SMARCA4: variants seen among roughly 807,000 people sequenced by gnomAD.
SMARCA4 encodes the protein SWI/SNF-related matrix-associated actin-dependent regulator of chromatin subfamily A member 4.
A neutral mutation model predicts 193.9 loss-of-function variants in SMARCA4; 31 were observed. The observed-to-expected ratio is 0.16, with a 90% CI of 0.12 to 0.22. The LOEUF is 0.22. Ranked by LOEUF, SMARCA4 falls within the 10% of genes least tolerant of loss-of-function variation. The pLI is 1.00. For missense variants in SMARCA4, 1,148 were observed against 2,296.0 expected, an observed-to-expected ratio of 0.50 and a Z score of 10.22; for synonymous variants, 942 against 933.1, an observed-to-expected ratio of 1.01 and a Z score of -0.17.
intron 11 of SMARCA4, among the ~76,000 whole-genome samples, chr19:11,002,669 C>T (rs1206859117): frequency 2.6e-5 from 4 of 151,774 alleles, no homozygotes; most frequent in African/African-American, 9.7e-5. Context: ...TGCCAGTTAC[C>T]TTAAAGAAAC....
chr19:10,963,874 G>T (rs1415523328), intron 1 of SMARCA4, among the ~76,000 whole-genome samples: 3 of 151,734 alleles, frequency 2.0e-5, no homozygotes, highest in Admixed American at 1.3e-4. Flanking sequence ...GGTACAGGCT[G>T]CAGTGGACCA....
intron 29 of SMARCA4, among the ~76,000 whole-genome samples, chr19:11,039,038 T>C: frequency 6.6e-6 from 1 of 151,012 alleles, no homozygotes. Context: ...CTGGCCAAAA[T>C]AGCAAGACCT....
chr19:10,992,763 T>A (rs1431991375), intron 8 of SMARCA4, among the ~76,000 whole-genome samples: 1 of 151,956 alleles, frequency 6.6e-6, no homozygotes, highest in Non-Finnish European at 1.5e-5. Flanking sequence ...TAATTTTTTA[T>A]ATTTTTAGTA....
chr19:10,997,715 C>T (rs1362327937), intron 11 of SMARCA4, among the ~76,000 whole-genome samples: 2 of 152,080 alleles, frequency 1.3e-5, no homozygotes, highest in Non-Finnish European at 2.9e-5. Flanking sequence ...CATCCTCCTG[C>T]CTCAGCCTCC....
chr19:11,049,968 G>T (rs1468495908), intron 30 of SMARCA4, among the ~76,000 whole-genome samples: 1 of 152,178 alleles, frequency 6.6e-6, no homozygotes, highest in Non-Finnish European at 1.5e-5. Context: ...CAGGCATGGT[G>T]GCACTCGCCT....
intron 1 of SMARCA4, among the ~76,000 whole-genome samples, chr19:10,971,478 G>A (rs2145524825): frequency 6.7e-6 from 1 of 150,156 alleles, no homozygotes. Flanking sequence ...CACCCTCTAT[G>A]TGACATTGTG....
At chr19:11,007,340 G>C (rs1305417310) in intron 13 of SMARCA4, among the ~76,000 whole-genome samples, 1 of 149,292 alleles carries the variant, frequency 6.7e-6, no homozygotes, top group Non-Finnish European at 1.5e-5. Flanking sequence ...TGAGGCAGGA[G>C]AATCGCTTGA....
rs1221584029 is a variant in SMARCA4, at chr19:10,987,957, C to T, written c.1118+33C>T. The stretch of plus-strand genomic sequence containing the variant: ...CGGGGCCCAGTTGCCAAGGTCACTG[C>T]CCTGTGTCCCCCATGTCCCCCTGGG... On this transcript the variant is annotated intron_variant, in intron 6 of 34. Transcript: ENST00000344626. The surrounding 1 kb of genome is among the most constrained non-coding windows in gnomAD (Gnocchi z 5.3). 1 of 1,608,342 alleles carries T rather than the reference C, an allele frequency of 6.2e-7. No individual in the cohort carries two copies. Among genetic ancestry groups the T allele is most frequent in the Non-Finnish European group, 8.5e-7 (1 of 1,177,922 alleles).
rs577544919 is a variant in SMARCA4, at chr19:11,039,211, A to G, written c.4171-2096A>G. Among the ~76,000 whole-genome samples, 3 of 152,292 alleles carry G rather than the reference A, an allele frequency of 2.0e-5. No individual in the cohort carries two copies. The East Asian group carries it at 5.8e-4, about 29-fold the overall frequency. On this transcript the variant is annotated intron_variant, in intron 29 of 34. Transcript: ENST00000344626. ...TCTACTAAAAATACAAAAATTAGCC[A>G]GGCATGGTGGTGGGCACCTGTCATC... is the stretch of plus-strand genomic sequence containing the variant.
chr19:10,978,058 C>T (rs1245006628), intron 1 of SMARCA4, among the ~76,000 whole-genome samples: 2 of 152,196 alleles, frequency 1.3e-5, no homozygotes, highest in Non-Finnish European at 2.9e-5. Flanking sequence ...CGGGGAGTCT[C>T]AGTTGTTACC....
chr19:11,038,547 G>A (rs1420931516), intron 29 of SMARCA4, among the ~76,000 whole-genome samples: 1 of 152,144 alleles, frequency 6.6e-6, no homozygotes, highest in Non-Finnish European at 1.5e-5. Flanking sequence ...AGACATGTCT[G>A]CTCCATCATT....
intron 30 of SMARCA4, among the ~76,000 whole-genome samples, chr19:11,053,064 A>G (rs2076348394): frequency 1.3e-5 from 2 of 151,832 alleles, no homozygotes; most frequent in Admixed American, 1.3e-4. Flanking sequence ...GTGGTTTCCA[A>G]ACTTGGGTTC....
At chr19:11,015,231 A>G (rs145599038) in intron 16 of SMARCA4, among the ~76,000 whole-genome samples, 1 of 152,334 alleles carries the variant, frequency 6.6e-6, no homozygotes, top group Non-Finnish European at 1.5e-5. Context: ...GATAACATGG[A>G]CGTAGGACTA....
chr19:10,977,312 G>GT (rs987660069), intron 1 of SMARCA4, among the ~76,000 whole-genome samples: 16 of 151,092 alleles, frequency 1.1e-4, no homozygotes, highest in South Asian at 1.0e-3. Context: ...ACGGACTCGA[G>GT]TTTTTTTTTG....
chr19:10,969,909 T>C (rs556137826), intron 1 of SMARCA4, among the ~76,000 whole-genome samples: 45 of 152,286 alleles, frequency 3.0e-4, no homozygotes, highest in African/African-American at 1.1e-3. Flanking sequence ...CACTGGATGC[T>C]CCTGGAACCC....
In SMARCA4 at chr19:11,003,402, G is replaced by A. The variant is rs780996751; in HGVS notation, c.2001+5G>A. 17 of 1,613,124 alleles carry A rather than the reference G, an allele frequency of 1.1e-5. No individual in the cohort carries two copies. The highest frequency in any genetic ancestry group is 1.4e-5 in the Non-Finnish European group (17 of 1,179,198). On this transcript the variant is annotated splice_donor_5th_base_variant and intron_variant, in intron 13 of 34. Transcript: ENST00000344626. ...GGCTCAGAAGAAGAGGAAGAGGTAA[G>A]AGTGCATTTCCTGGCTTTCAAGGCT...
At chr19:10,989,675 G>A (rs1254451077) in intron 7 of SMARCA4, among the ~76,000 whole-genome samples, 1 of 150,856 alleles carries the variant, frequency 6.6e-6, no homozygotes, top group Non-Finnish European at 1.5e-5. Flanking sequence ...AAGCAGACTT[G>A]TATGGGCTTC....
At position 11,034,048 on chromosome 19, in the gene SMARCA4, G is replaced by A. The variant is rs985226553; in HGVS notation, c.3874-75G>A. On this transcript the variant is annotated intron_variant, in intron 27 of 34. Coordinates refer to ENST00000344626, the MANE Select transcript of SMARCA4 (RefSeq NM_003072.5). The surrounding 1 kb of genome is among the most constrained non-coding windows in gnomAD (Gnocchi z 7.0). Reference sequence around the variant, plus strand: ...CCACCAGCTCATTCCCACGGACGCCGCCGCTCGCCTCTGAGCTCGGCCGCC... The same window carrying A: ...CCACCAGCTCATTCCCACGGACGCCACCGCTCGCCTCTGAGCTCGGCCGCC... 7.3e-5 allele frequency: 85 copies of A among 1,162,294 alleles called. No individual in the cohort carries two copies. The highest frequency in any genetic ancestry group is 1.0e-4 in the Non-Finnish European group (78 of 770,454). 72.0% of individuals were successfully genotyped at this position (1,162,294 alleles called of 1,614,324 possible). A position where few individuals can be genotyped will look rare whatever the true frequency, so the allele number is the denominator to read the frequency against.
chr19:11,039,018 T>G (rs1391498822), intron 29 of SMARCA4, among the ~76,000 whole-genome samples: 1 of 151,836 alleles, frequency 6.6e-6, no homozygotes, highest in Non-Finnish European at 1.5e-5. Context: ...CTCAGGAGTT[T>G]GAGACCAGTC....
Sources: gnomAD v4.1 joint callset for allele counts (sites outside exome capture counted in the v4.1 genomes callset) on GRCh38, gnomAD v4.1.1 for gene constraint, Gnocchi (gnomAD v3.1) non-coding constraint, MANE v1.5 for transcripts, NCBI Gene and HGNC (gene_info 2026-07-23, HGNC 2026-07-21) for gene names.